CFAP97: variants seen among roughly 807,000 people sequenced by gnomAD.
The protein encoded by CFAP97 is cilia- and flagella-associated protein 97.
CFAP97 carries 36 observed loss-of-function variants against 43.1 expected under a neutral mutation model. That is an observed-to-expected ratio of 0.84 (90% CI 0.64 to 1.10). The LOEUF (loss-of-function observed/expected upper bound fraction) is 1.10, where lower values mean the gene tolerates loss of function less well. Among genes scored for constraint, CFAP97 ranks in the 50% least tolerant of loss-of-function variants. CFAP97 has a pLI of 0.00. For missense variants in CFAP97, 657 were observed against 620.3 expected (o/e 1.06, Z -0.63); for synonymous variants, 228 against 225.7 (o/e 1.01, Z -0.09).
At position 185,176,065 on chromosome 4, in the gene CFAP97, CA is replaced by C. The variant is rs71593605; in HGVS notation, c.1055-15del. 1,282 of 1,316,128 alleles carry C rather than the reference CA, an allele frequency of 9.7e-4. No individual in the cohort carries two copies. The highest frequency in any genetic ancestry group is 2.2e-3 in the South Asian group (148 of 65,864). 81.5% of individuals were successfully genotyped at this position (1,316,128 alleles called of 1,614,324 possible). On this transcript the variant is annotated splice_polypyrimidine_tract_variant and intron_variant, in intron 2 of 4. Transcript: ENST00000458385. ...ATTGCAGAAAAGCTACAGAAAAGAA[CA>C]AAAAAAAAAGAGAAAATGGCCAAAG...
intron 1 of CFAP97, among the ~76,000 whole-genome samples, chr4:185,195,337 T>C (rs1736490455): frequency 6.6e-6 from 1 of 151,926 alleles, no homozygotes; most frequent in African/African-American, 2.4e-5. Flanking sequence ...AAATAAAAAT[T>C]AGCTGGGCAT....
rs1737357996 is a variant in CFAP97, at chr4:185,209,317, G to C, written c.-74+8C>G. On this transcript the variant is annotated splice_region_variant and intron_variant, in intron 1 of 2. Transcript: ENST00000503223. The surrounding 1 kb of genome is among the most constrained non-coding windows in gnomAD (Gnocchi z 5.2). ...GTGATGAGCGGAGAGGGAGAATTAC[G>C]GGATCACCTGAGCTCAGGAATTACC... 6.6e-6 allele frequency: 1 copy of C among 152,298 alleles called. No individual in the cohort carries two copies. 9.4% of individuals were successfully genotyped at this position (152,298 alleles called of 1,614,324 possible).
Position 185,170,330 on chromosome 4 carries a change from A to G in CFAP97, c.1320+5456T>C, listed in dbSNP as rs1448040622. The G allele has an allele frequency of 1.6e-5, 10 of 606,310 alleles. No individual in the cohort carries two copies. The East Asian group carries it at 2.8e-4, about 17-fold the overall frequency. The allele number at this position is 606,310 out of a possible 1,614,324, so 37.6% of individuals were successfully genotyped here. On this transcript the variant is annotated intron_variant, in intron 3 of 4. Coordinates refer to ENST00000458385, the MANE Select transcript of CFAP97 (RefSeq NM_020827.3). ...CACTGCACTCCAGCCTGGGTGACAG[A>G]GCGAGATAGTCTAAATAAATAAATA...
chr4:185,174,250 G>C (rs1025016641), intron 3 of CFAP97, among the ~76,000 whole-genome samples: 5 of 152,210 alleles, frequency 3.3e-5, no homozygotes, highest in African/African-American at 4.8e-5. Flanking sequence ...AATCCCATAT[G>C]TTTTTGACAT....
intron 2 of CFAP97, among the ~76,000 whole-genome samples, chr4:185,181,624 C>T (rs528467396): frequency 2.0e-5 from 3 of 152,264 alleles, no homozygotes; most frequent in South Asian, 2.1e-4. Flanking sequence ...CACACCCAGC[C>T]GGCATAGTCT....
upstream of CFAP97, among the ~76,000 whole-genome samples, chr4:185,209,664 C>A (rs1407126763): frequency 6.6e-6 from 1 of 151,470 alleles, no homozygotes; most frequent in Non-Finnish European, 1.5e-5. This position sits in a 1 kb window ranked among gnomAD's most constrained non-coding sequence, Gnocchi z 5.2. Context: ...CGCCTGGTGG[C>A]GGCGCTGAGG....
At chr4:185,182,378 G>C (rs1324265076) in intron 2 of CFAP97, 1 of 152,058 alleles carries the variant, frequency 6.6e-6, no homozygotes, top group Admixed American at 6.6e-5. Context: ...TTGCATGGAG[G>C]TGGAAAATTC....
chr4:185,181,959 A>G (rs921036381), intron 2 of CFAP97, among the ~76,000 whole-genome samples: 2 of 152,148 alleles, frequency 1.3e-5, no homozygotes, highest in African/African-American at 4.8e-5. Context: ...CGTTGGTATC[A>G]CTTTAGCAAA....
chr4:185,190,485 T>C lies in CFAP97; in HGVS notation c.712A>G (p.Thr238Ala), dbSNP rs1133657. 0.51 allele frequency: 818,089 copies of C among 1,613,172 alleles called. 210,405 individuals are homozygous for C. Among genetic ancestry groups the C allele is most frequent in the East Asian group, 0.61 (27,262 of 44,844 alleles). The part of the protein sequence containing the change: ...KSTETQPSST[T>A]PKCGHYPEES... ...TCAGGGTAGTGGCCACATTTTGGTG[T>C]AGTACTTGAAGGCTGTGTTTCTGTC... Residue 238 changes from threonine (T) to alanine (A), a missense_variant, in exon 2 of 5, where the codon ACA becomes GCA. Physicochemically the swap from Thr to Ala is moderately conservative, Grantham distance 58 (BLOSUM62 0). Transcript: ENST00000458385.
chr4:185,178,866 T>A (rs1292462614), intron 2 of CFAP97, among the ~76,000 whole-genome samples: 1 of 152,012 alleles, frequency 6.6e-6, no homozygotes, highest in Non-Finnish European at 1.5e-5. Context: ...ACCCTGTGCT[T>A]GCGGTGTTAA....
chr4:185,173,355 C>T (rs535831384), intron 3 of CFAP97, among the ~76,000 whole-genome samples: 16 of 117,992 alleles, frequency 1.4e-4, no homozygotes, highest in Middle Eastern at 7.6e-3. Context: ...AGCCAGACTC[C>T]GTCTCTTAAA....
chr4:185,207,210 CTTTTT>C (rs34373262), upstream of CFAP97, among the ~76,000 whole-genome samples: 2 of 76,814 alleles, frequency 2.6e-5, no homozygotes, highest in Admixed American at 1.8e-4. Flanking sequence ...ACCAGTCACA[CTTTTT>C]TTTTTTTTTT....
rs1025319122 is a variant in CFAP97 at position 185,177,257 on chromosome 4, C to T, written c.1055-1206G>A. On this transcript the variant is annotated intron_variant, in intron 2 of 4. Transcript: ENST00000458385. ...GTGAAACCCTATCCCTACTAAAATA[C>T]AAAAAATTGGCCTGGCTTGGCGGTG... Among the ~76,000 whole-genome samples, 6 of 151,782 alleles carry T rather than the reference C, an allele frequency of 4.0e-5. No homozygotes were observed. In the East Asian group the frequency reaches 9.8e-4, roughly 25 times the overall value.
chr4:185,183,679 C>G lies in CFAP97; in HGVS notation c.1054+6464G>C, dbSNP rs111646162. ...TGCAATACCTTATATAATAGACTGA[C>G]AGTCCTAATTAGTGTTTAAAATGCT... On this transcript the variant is annotated intron_variant, in intron 2 of 4. Coordinates refer to ENST00000458385, the MANE Select transcript of CFAP97 (RefSeq NM_020827.3). 2.0e-5 allele frequency among the ~76,000 whole-genome samples: 3 copies of G among 152,312 alleles called. 1 individual carries two copies. Among genetic ancestry groups the G allele is most frequent in the African/African-American group, 7.2e-5 (3 of 41,568 alleles).
chr4:185,193,801 T>C (rs1045695068), intron 1 of CFAP97, among the ~76,000 whole-genome samples: 26 of 152,028 alleles, frequency 1.7e-4, no homozygotes, highest in African/African-American at 4.8e-4. Context: ...GGCAGGAGAA[T>C]TGCTGAAACC....
chr4:185,209,609 G>C, upstream of CFAP97: 3 of 426,764 alleles, frequency 7.0e-6, no homozygotes, highest in Non-Finnish European at 9.4e-6. This position sits in a 1 kb window ranked among gnomAD's most constrained non-coding sequence, Gnocchi z 5.2. Flanking sequence ...GTCACAACAC[G>C]GTGGGGCTCC....
At position 185,172,254 on chromosome 4, in the gene CFAP97, C is replaced by T. The variant is rs369653338; in HGVS notation, c.1320+3532G>A. On this transcript the variant is annotated intron_variant, in intron 3 of 4. Coordinates refer to ENST00000458385, the MANE Select transcript of CFAP97 (RefSeq NM_020827.3). ...AATAAGCTAGAATAATTTTTATTCC[C>T]TTAATTTTTGTTTGGATGCAATGTT... Among the ~76,000 whole-genome samples the T allele has an allele frequency of 5.4e-3, 824 of 152,120 alleles. 9 individuals are homozygous for T. The highest frequency in any genetic ancestry group is 0.019 in the African/African-American group (795 of 41,480).
At chr4:185,200,509 A>C (rs77356115) in intron 1 of CFAP97, among the ~76,000 whole-genome samples, 6,270 of 152,166 alleles carry the variant, frequency 0.041, 210 homozygotes, top group East Asian at 0.15. Flanking sequence ...GTGTGGTAGC[A>C]CATGTCTGTA....
intron 2 of CFAP97, among the ~76,000 whole-genome samples, chr4:185,178,158 C>G (rs939377930): frequency 6.7e-6 from 1 of 149,066 alleles, no homozygotes; most frequent in Non-Finnish European, 1.5e-5. Context: ...TTTTGTAGAA[C>G]AAGGCTTCTA....
Sources: allele counts gnomAD v4.1 joint callset (sites outside exome capture counted in the v4.1 genomes callset), GRCh38; gene constraint gnomAD v4.1.1; non-coding constraint Gnocchi (gnomAD v3.1); transcripts MANE v1.5; gene names NCBI Gene and HGNC (gene_info 2026-07-23, HGNC 2026-07-21).